PPP2CA: variants seen among roughly 807,000 people sequenced by gnomAD.
PPP2CA encodes protein phosphatase 2 catalytic subunit alpha.
In PPP2CA, 5 loss-of-function variants were observed where a neutral mutation model predicts 38.8. The observed-to-expected ratio is 0.13, with a 90% CI of 0.07 to 0.27. The LOEUF (loss-of-function observed/expected upper bound fraction) is 0.27, where lower values mean the gene tolerates loss of function less well. Ranked by LOEUF, PPP2CA falls within the 10% of genes least tolerant of loss-of-function variation. The probability of loss-of-function intolerance (pLI) is 1.00; values close to 1 mark genes in which losing one functional copy is unlikely to be tolerated. For missense variants in PPP2CA, 88 were observed against 389.7 expected, an observed-to-expected ratio of 0.23 and a Z score of 6.52; for synonymous variants, 152 against 134.0, an observed-to-expected ratio of 1.13 and a Z score of -0.93.
At position 134,194,771 on chromosome 5, in the gene PPP2CA, G is replaced by T. The variant is rs2149381372; in HGVS notation, c.*3001C>A. The T allele has an allele frequency of 6.6e-6, 1 of 152,246 alleles. No individual in the cohort carries two copies. The highest frequency in any genetic ancestry group is 2.4e-5 in the African/African-American group (1 of 41,488). 9.4% of individuals were successfully genotyped at this position (152,246 alleles called of 1,614,324 possible). ...ATTACAGGCTCCTGCCACCACACCG[G>T]TCAGTTTTGTATTTTTAATAGAGAT... On this transcript the variant is annotated 3_prime_UTR_variant, in exon 7 of 7. Transcript: ENST00000481195.
chr5:134,211,546 G>A (rs1316596230), intron 1 of PPP2CA, among the ~76,000 whole-genome samples: 3 of 150,656 alleles, frequency 2.0e-5, no homozygotes, highest in Admixed American at 6.6e-5. Flanking sequence ...GTGCGATCTC[G>A]GTTCGCTGCA....
intron 1 of PPP2CA, among the ~76,000 whole-genome samples, chr5:134,225,117 T>C (rs943560602): frequency 5.1e-4 from 78 of 152,264 alleles, no homozygotes; most frequent in Admixed American, 3.7e-3. Flanking sequence ...CTATGAAAAA[T>C]AAGTTACACT....
At chr5:134,215,187 T>C (rs1019883389) in intron 1 of PPP2CA, among the ~76,000 whole-genome samples, 42 of 151,552 alleles carry the variant, frequency 2.8e-4, no homozygotes, top group Admixed American at 5.3e-4. Context: ...AGTCTAGATC[T>C]CCTGGACCCA....
At position 134,210,703 on chromosome 5, in the gene PPP2CA, C is replaced by T. The variant is rs139192073; in HGVS notation, c.103-4572G>A. Reference sequence around the variant, plus strand: ...TACTAAAAAGCCAGGAATGGTGGCACACACTTGTAATCCTAGCTACTCAGG... The same window carrying T: ...TACTAAAAAGCCAGGAATGGTGGCATACACTTGTAATCCTAGCTACTCAGG... On this transcript the variant is annotated intron_variant, in intron 1 of 6. Coordinates refer to ENST00000481195, the MANE Select transcript of PPP2CA (RefSeq NM_002715.4). Among the ~76,000 whole-genome samples, 45 of 152,198 alleles carry T rather than the reference C, an allele frequency of 3.0e-4. 1 individual carries two copies. In the East Asian group the frequency reaches 8.5e-3, roughly 29 times the overall value.
chr5:134,204,426 G>A lies in PPP2CA; in HGVS notation c.312+1496C>T, dbSNP rs570715592. The stretch of plus-strand genomic sequence containing the variant: ...TTGGCATGTAATGCATGTAATTTTG[G>A]AACTTGCTTTTTTCGGTTATCATTT... On this transcript the variant is annotated intron_variant, in intron 2 of 6. Coordinates refer to ENST00000481195, the MANE Select transcript of PPP2CA (RefSeq NM_002715.4). Among the ~76,000 whole-genome samples the A allele has an allele frequency of 2.6e-5, 4 of 152,258 alleles. No homozygotes were observed. The East Asian group carries it at 7.7e-4, about 29-fold the overall frequency.
chr5:134,207,556 G>A (rs1286575584), intron 1 of PPP2CA, among the ~76,000 whole-genome samples: 1 of 152,154 alleles, frequency 6.6e-6, no homozygotes, highest in Non-Finnish European at 1.5e-5. Context: ...ACTTTGGGAC[G>A]CTAAGGCGGG....
chr5:134,220,519 C>A (rs992818018), intron 1 of PPP2CA, among the ~76,000 whole-genome samples: 3 of 145,992 alleles, frequency 2.1e-5, no homozygotes, highest in Non-Finnish European at 4.5e-5. Context: ...TGGTTCTCAT[C>A]CAATTCAGAT....
At position 134,200,374 on chromosome 5, in the gene PPP2CA, G is replaced by C; in HGVS notation, c.699C>G (p.Gly233=). ...GGTGAGCTCTAGACACCAACGTGAG[G>C]CCATTGGCATGATTAAATGTCTCAG... ...DISETFNHAN[G]LTLVSRAHQL... The change falls in exon 5 of 7, where the codon GGC becomes GGG. Residue 233 remains glycine, a synonymous_variant. Transcript: ENST00000481195. 6.2e-7 allele frequency: 1 copy of C among 1,614,154 alleles called. No homozygotes were observed. The highest frequency in any genetic ancestry group is 8.5e-7 in the Non-Finnish European group (1 of 1,180,012).
intron 1 of PPP2CA, chr5:134,225,446 A>T: frequency 3.6e-6 from 1 of 280,476 alleles, no homozygotes; most frequent in Admixed American, 5.6e-5. Context: ...CTCACCCTCA[A>T]AACCGTCCCT....
rs1762570166 is a variant in PPP2CA at position 134,225,911 on chromosome 5, C to G, written c.-50G>C. 2 of 1,546,794 alleles carry G rather than the reference C, an allele frequency of 1.3e-6. No homozygotes were observed. Among genetic ancestry groups the G allele is most frequent in the South Asian group, 2.2e-5 (2 of 89,330 alleles). Reference sequence around the variant, plus strand: ...CCGCTCCGCGCTGCTCCCGCGCCGCCGCCCGCACACGGGCCTACACGCACA... The same window carrying G: ...CCGCTCCGCGCTGCTCCCGCGCCGCGGCCCGCACACGGGCCTACACGCACA... On this transcript the variant is annotated 5_prime_UTR_variant, in exon 1 of 7. Coordinates refer to ENST00000481195, the MANE Select transcript of PPP2CA (RefSeq NM_002715.4).
intron 1 of PPP2CA, chr5:134,225,488 G>GCCA: frequency 2.5e-6 from 1 of 397,254 alleles, no homozygotes; most frequent in South Asian, 3.2e-5. Flanking sequence ...CGCTCCCCCT[G>GCCA]CCACCTCGTC....
In PPP2CA at chr5:134,225,811, C is replaced by T; in HGVS notation, c.51G>A (p.Leu17=). The change falls in exon 1 of 7, where the codon CTG becomes CTA. Residue 17 remains leucine (L), a synonymous_variant. Transcript: ENST00000481195. ...ACTCGGACAGCTGCTTGCACTCGTT[C>T]AGCTGCTCGATCCACTGGTCCAGCT... ...TKELDQWIEQ[L]NECKQLSESQ... is the part of the protein sequence containing the mutation. 1 of 1,611,106 alleles carries T rather than the reference C, an allele frequency of 6.2e-7. No homozygotes were observed. The highest frequency in any genetic ancestry group is 8.5e-7 in the Non-Finnish European group (1 of 1,179,244).
chr5:134,203,211 G>C (rs1486899907), intron 2 of PPP2CA, among the ~76,000 whole-genome samples: 1 of 151,594 alleles, frequency 6.6e-6, no homozygotes, highest in African/African-American at 2.4e-5. Flanking sequence ...CTGTGCTTTT[G>C]TTATATCTAA....
chr5:134,209,371 T>C (rs1561738733), intron 1 of PPP2CA, among the ~76,000 whole-genome samples: 1 of 152,252 alleles, frequency 6.6e-6, no homozygotes, highest in Non-Finnish European at 1.5e-5. Flanking sequence ...TTTTGGTTGT[T>C]TTGTTGTTGT....
intron 2 of PPP2CA, 188 bp downstream of exon 2, chr5:134,205,734 A>T (rs1762069785): frequency 3.6e-6 from 2 of 549,280 alleles, no homozygotes; most frequent in Non-Finnish European, 3.2e-6. Context: ...TTTTGTTTTG[A>T]TTCTGTACCA....
chr5:134,197,907 C>G, intron 6 of PPP2CA, 63 bp from the exon 7 acceptor site: 1 of 1,392,986 alleles, frequency 7.2e-7, no homozygotes, highest in Non-Finnish European at 1.0e-6. Flanking sequence ...CAATCAAGAT[C>G]AAGAACATGA....
In PPP2CA at chr5:134,197,623, A is replaced by G. The variant is rs776584473; in HGVS notation, c.*149T>C. 283 of 644,736 alleles carry G rather than the reference A, an allele frequency of 4.4e-4. No individual in the cohort carries two copies. The highest frequency in any genetic ancestry group is 7.0e-4 in the Non-Finnish European group (254 of 364,362). 39.9% of individuals were successfully genotyped at this position (644,736 alleles called of 1,614,324 possible). A position where few individuals can be genotyped will look rare whatever the true frequency, so the allele number is the denominator to read the frequency against. On this transcript the variant is annotated 3_prime_UTR_variant, in exon 7 of 7. Coordinates refer to ENST00000481195, the MANE Select transcript of PPP2CA (RefSeq NM_002715.4). The stretch of plus-strand genomic sequence containing the variant: ...GGCTGTTGATGACAAGAGGCTTTGT[A>G]TTTTTATATGGCACATCTTTTGGTC...
intron 1 of PPP2CA, among the ~76,000 whole-genome samples, chr5:134,219,782 G>A (rs908102663): frequency 5.3e-5 from 8 of 151,838 alleles, no homozygotes; most frequent in Admixed American, 1.3e-4. Context: ...AGGCTGAGGC[G>A]GGCGGATCAC....
At chr5:134,210,910 A>G (rs1024430339) in intron 1 of PPP2CA, among the ~76,000 whole-genome samples, 1 of 152,246 alleles carries the variant, frequency 6.6e-6, no homozygotes, top group African/African-American at 2.4e-5. Context: ...ACTGAAATGA[A>G]TGAATTTCAA....
Sources: allele counts gnomAD v4.1 joint callset (sites outside exome capture counted in the v4.1 genomes callset), GRCh38; gene constraint gnomAD v4.1.1; transcripts MANE v1.5; gene names NCBI Gene and HGNC (gene_info 2026-07-23, HGNC 2026-07-21).